AMBRA1: variants seen among roughly 807,000 people sequenced by gnomAD.
AMBRA1 encodes activating molecule in BECN1-regulated autophagy protein 1.
AMBRA1 carries 47 observed loss-of-function variants against 125.4 expected under a neutral mutation model. That is an observed-to-expected ratio of 0.37 (90% CI 0.30 to 0.48). AMBRA1 has a LOEUF of 0.48. Ranked by LOEUF, AMBRA1 falls within the 20% of genes least tolerant of loss-of-function variation. The probability of loss-of-function intolerance (pLI) is 0.99; values close to 1 mark genes in which losing one functional copy is unlikely to be tolerated. For synonymous variants in AMBRA1, 626 were observed against 655.5 expected (o/e 0.95, Z 0.69); for missense variants, 1,331 against 1,693.4 (o/e 0.79, Z 3.76).
At chr11:46,398,796 C>CA (rs1945578178) in intron 17 of AMBRA1, among the ~76,000 whole-genome samples, 1 of 147,036 alleles carries the variant, frequency 6.8e-6, no homozygotes, top group South Asian at 2.2e-4. Context: ...ATTTTTGAGA[C>CA]AGAGTCTTGC....
At chr11:46,491,841 A>G (rs986274997) in intron 11 of AMBRA1, among the ~76,000 whole-genome samples, 17 of 152,352 alleles carry the variant, frequency 1.1e-4, no homozygotes, top group Middle Eastern at 3.4e-3. Context: ...CACAAGGCAT[A>G]AAGTAGGAAA....
intron 1 of AMBRA1, among the ~76,000 whole-genome samples, chr11:46,568,754 A>G (rs1206062973): frequency 2.0e-5 from 3 of 150,606 alleles, no homozygotes; most frequent in Non-Finnish European, 3.0e-5. Flanking sequence ...CTTGGGCAAC[A>G]AGAGCAAAAC....
intron 14 of AMBRA1, among the ~76,000 whole-genome samples, chr11:46,421,636 T>C (rs183148382): frequency 3.9e-5 from 6 of 152,318 alleles, no homozygotes; most frequent in Admixed American, 3.9e-4. Context: ...CCCAGAGATG[T>C]AGTGTCTACC....
rs185500349 is a variant in AMBRA1, at chr11:46,457,863, G to A, written c.2522-14265C>T. ...GGAGGTTGCAGTGAGTCGAGATTGC[G>A]CCACTGCACTCCAGCCTGCGTGACA... On this transcript the variant is annotated intron_variant, in intron 11 of 17. Coordinates refer to ENST00000683756, the MANE Select transcript of AMBRA1 (RefSeq NM_001387011.1). Among the ~76,000 whole-genome samples, 16 of 146,488 alleles carry A rather than the reference G, an allele frequency of 1.1e-4. No homozygotes were observed. In the East Asian group the frequency reaches 2.6e-3, roughly 24 times the overall value.
intron 7 of AMBRA1, among the ~76,000 whole-genome samples, chr11:46,516,849 G>A (rs1951513118): frequency 6.6e-6 from 1 of 152,036 alleles, no homozygotes; most frequent in African/African-American, 2.4e-5. Context: ...CCACAAACTT[G>A]ACTTGACTTA....
intron 12 of AMBRA1, among the ~76,000 whole-genome samples, chr11:46,440,127 G>A (rs1590812275): frequency 1.3e-5 from 2 of 152,142 alleles, no homozygotes; most frequent in East Asian, 1.9e-4. Flanking sequence ...ACCTGCATAT[G>A]TGCAAAATGA....
chr11:46,470,417 A>G (rs897138683), intron 11 of AMBRA1, among the ~76,000 whole-genome samples: 4 of 151,880 alleles, frequency 2.6e-5, no homozygotes, highest in Non-Finnish European at 5.9e-5. Flanking sequence ...GTGAAACCCT[A>G]TCTCTACTAA....
At chr11:46,453,133 C>T (rs373090100) in intron 11 of AMBRA1, among the ~76,000 whole-genome samples, 1 of 152,326 alleles carries the variant, frequency 6.6e-6, no homozygotes. Context: ...TAGGCAATCA[C>T]TAATTGCTTC....
chr11:46,398,861 C>T (rs1945580975), intron 17 of AMBRA1, among the ~76,000 whole-genome samples: 1 of 152,052 alleles, frequency 6.6e-6, no homozygotes, highest in Non-Finnish European at 1.5e-5. Flanking sequence ...GCAACCTCCG[C>T]CTCCCGGGTT....
At chr11:46,533,672 C>T (rs147283716) in intron 7 of AMBRA1, among the ~76,000 whole-genome samples, 1,742 of 152,270 alleles carry the variant, frequency 0.011, 22 homozygotes, top group Middle Eastern at 0.037. Flanking sequence ...CAGAGTTGGC[C>T]TAGCTTTAAT....
chr11:46,418,086 G>A, intron 14 of AMBRA1, 34 bp from the exon 15 acceptor site: 1 of 1,517,514 alleles, frequency 6.6e-7, no homozygotes, highest in Non-Finnish European at 8.9e-7. Context: ...AAAAGAGAAT[G>A]GGAGGAGAAA....
intron 7 of AMBRA1, among the ~76,000 whole-genome samples, 166 bp downstream of exon 7, chr11:46,541,779 A>G (rs569766714): frequency 3.5e-4 from 53 of 152,358 alleles, no homozygotes; most frequent in African/African-American, 1.3e-3. Context: ...GCCCTATCCT[A>G]TCTCTGCCAC....
chr11:46,551,515 G>A (rs989987908), intron 1 of AMBRA1, among the ~76,000 whole-genome samples: 1 of 152,128 alleles, frequency 6.6e-6, no homozygotes, highest in Non-Finnish European at 1.5e-5. Flanking sequence ...ACTGCACTAG[G>A]TGCTGAAATT....
At position 46,465,334 on chromosome 11, in the gene AMBRA1, A is replaced by G. The variant is rs1192006185; in HGVS notation, c.2522-21736T>C. ...CATGGCACACGCTCATCTCTTGGGA[A>G]CTGTAAGGAACAAACTATCCTTTCA... On this transcript the variant is annotated intron_variant, in intron 11 of 17. Transcript: ENST00000683756. 3.3e-5 allele frequency among the ~76,000 whole-genome samples: 5 copies of G among 152,300 alleles called. 1 individual carries two copies. The highest frequency in any genetic ancestry group is 1.2e-4 in the African/African-American group (5 of 41,560).
rs1397149500 is a variant in AMBRA1, at chr11:46,434,943, G to A, written c.2727C>T (p.Pro909=). 1 of 1,613,906 alleles carries A rather than the reference G, an allele frequency of 6.2e-7. No individual in the cohort carries two copies. The highest frequency in any genetic ancestry group is 8.5e-7 in the Non-Finnish European group (1 of 1,179,978). Residue 909 remains proline, a synonymous_variant, in exon 13 of 18, where the codon CCC becomes CCT. Coordinates refer to ENST00000683756, the MANE Select transcript of AMBRA1 (RefSeq NM_001387011.1). ...ADGQLLAAFI[P]SSQRGFPDEG... Reference sequence around the variant, plus strand: ...CATCAGGAAAGCCCCTCTGGCTGCTGGGGATGAAAGCTGCCAGGAGCTGGC... The same window carrying A: ...CATCAGGAAAGCCCCTCTGGCTGCTAGGGATGAAAGCTGCCAGGAGCTGGC...
chr11:46,494,109 C>T lies in AMBRA1; in HGVS notation c.2420+15G>A. On this transcript the variant is annotated intron_variant, in intron 10 of 17. Transcript: ENST00000683756. Reference sequence around the variant, plus strand: ...TAACGAAGGCTCCCTCTGTTGCTAGCAACTCGGTTCTTACCTTGGGACAAA... The same window carrying T: ...TAACGAAGGCTCCCTCTGTTGCTAGTAACTCGGTTCTTACCTTGGGACAAA... 6.3e-7 allele frequency: 1 copy of T among 1,596,504 alleles called. No homozygotes were observed. The highest frequency in any genetic ancestry group is 8.6e-7 in the Non-Finnish European group (1 of 1,168,938).
intron 17 of AMBRA1, among the ~76,000 whole-genome samples, chr11:46,406,239 A>C (rs1946012812): frequency 6.6e-6 from 1 of 151,182 alleles, no homozygotes; most frequent in African/African-American, 2.4e-5. Flanking sequence ...TTTTTAGTAG[A>C]GACAGCGTTT....
intron 11 of AMBRA1, among the ~76,000 whole-genome samples, chr11:46,464,056 A>G (rs1015333826): frequency 2.0e-5 from 3 of 152,208 alleles, no homozygotes; most frequent in Non-Finnish European, 2.9e-5. Flanking sequence ...TGTTCAAAAG[A>G]TAAGTGGGGA....
In AMBRA1 at chr11:46,545,037, G is replaced by A. The variant is rs114016381; in HGVS notation, c.551+567C>T. ...AGATACTCATAAGACTGAGGTGGGA[G>A]GATTGCTTGGGCCCATGAGGTCAAG... On this transcript the variant is annotated intron_variant, in intron 5 of 17. Coordinates refer to ENST00000683756, the MANE Select transcript of AMBRA1 (RefSeq NM_001387011.1). 7.1e-3 allele frequency among the ~76,000 whole-genome samples: 1,070 copies of A among 151,438 alleles called. 14 individuals are homozygous for A. The highest frequency in any genetic ancestry group is 0.025 in the African/African-American group (1,032 of 41,290).
Sources: gnomAD v4.1 joint callset for allele counts (sites outside exome capture counted in the v4.1 genomes callset) on GRCh38, gnomAD v4.1.1 for gene constraint, MANE v1.5 for transcripts, NCBI Gene and HGNC (gene_info 2026-07-23, HGNC 2026-07-21) for gene names.